The following ABCA12 variants were observed in gnomAD, a reference collection of about 807,000 sequenced individuals.
The protein encoded by ABCA12 is glucosylceramide transporter ABCA12.
Under a neutral mutation model 293.5 loss-of-function variants are expected in ABCA12, and 156 were observed. The ratio of observed to expected loss-of-function variants is 0.53; its 90% CI spans 0.47 to 0.61. The LOEUF (loss-of-function observed/expected upper bound fraction) is 0.61, where lower values mean the gene tolerates loss of function less well. Among genes scored for constraint, ABCA12 ranks in the 20% least tolerant of loss-of-function variants. The pLI is 0.00. For synonymous variants in ABCA12, 1,063 were observed against 1,108.0 expected (o/e 0.96, Z 0.81); for missense variants, 2,797 against 3,090.2 (o/e 0.91, Z 2.25).
At chr2:215,083,096 C>G (rs1157117532) in intron 2 of ABCA12, among the ~76,000 whole-genome samples, 2 of 152,196 alleles carry the variant, frequency 1.3e-5, no homozygotes, top group African/African-American at 4.8e-5. Context: ...ATTAAAACCT[C>G]TTCCCTAACT....
At chr2:215,111,526 T>C in intron 2 of ABCA12, 71 bp downstream of exon 2, 1 of 1,295,864 alleles carries the variant, frequency 7.7e-7, no homozygotes, top group South Asian at 1.2e-5. Context: ...AATGAAACAC[T>C]AAAGTGGTAC....
At position 214,949,159 on chromosome 2, in the gene ABCA12, G is replaced by A; in HGVS notation, c.6853-10C>T. ...CAAGAAGCCCAAAACACTGGTTTGA[G>A]GGAGAAAAAGAAGATATAAGCCTTA... On this transcript the variant is annotated splice_polypyrimidine_tract_variant and intron_variant, in intron 45 of 52. Transcript: ENST00000272895. 1.3e-6 allele frequency: 2 copies of A among 1,599,164 alleles called. No individual in the cohort carries two copies. The highest frequency in any genetic ancestry group is 1.7e-6 in the Non-Finnish European group (2 of 1,166,762).
chr2:215,130,646 T>C (rs1005628251), intron 1 of ABCA12, among the ~76,000 whole-genome samples: 1 of 152,150 alleles, frequency 6.6e-6, no homozygotes, highest in Admixed American at 6.5e-5. Flanking sequence ...TAGGGTTTTT[T>C]AGGTATATGA....
intron 1 of ABCA12, among the ~76,000 whole-genome samples, chr2:215,130,356 A>G (rs905346077): frequency 1.3e-5 from 2 of 152,184 alleles, no homozygotes; most frequent in Non-Finnish European, 2.9e-5. Flanking sequence ...ACTCATGAGC[A>G]TGGAATGTTT....
At position 215,001,626 on chromosome 2, in the gene ABCA12, G is replaced by T; in HGVS notation, c.2795C>A (p.Ala932Glu). 1.2e-6 allele frequency: 2 copies of T among 1,613,810 alleles called. No homozygotes were observed. The highest frequency in any genetic ancestry group is 1.7e-6 in the Non-Finnish European group (2 of 1,179,826). Reference protein sequence around the residue: ...SSCVLYDRIQAAKTIDEMERE... With the variant: ...SSCVLYDRIQEAKTIDEMERE... The stretch of plus-strand genomic sequence containing the variant: ...CTCCATTTCATCTATGGTTTTTGCT[G>T]CCTGAATACGGTCATATAATACACA... The change falls in exon 21 of 53, where the codon GCA (alanine) becomes GAA (glutamate). Residue 932 changes from alanine (A) to glutamate (E), a missense_variant. Physicochemically the swap from Ala to Glu is moderately radical, Grantham distance 107. This residue lies in a region of ABCA12 where 2,130 missense variants were observed against 2,427.0 expected (regional missense o/e 0.88). Transcript: ENST00000272895.
At chr2:214,952,353 T>C (rs1698806375) in intron 44 of ABCA12, among the ~76,000 whole-genome samples, 1 of 152,032 alleles carries the variant, frequency 6.6e-6, no homozygotes, top group African/African-American at 2.4e-5. Flanking sequence ...CCCGAGTAGC[T>C]GGGATTACAG....
intron 39 of ABCA12, among the ~76,000 whole-genome samples, chr2:214,963,974 G>A (rs533808471): frequency 5.7e-5 from 8 of 141,456 alleles, no homozygotes; most frequent in East Asian, 2.0e-4. Flanking sequence ...GATGAACATC[G>A]ATGCAAAAAT....
intron 2 of ABCA12, among the ~76,000 whole-genome samples, chr2:215,102,460 A>G (rs567886255): frequency 6.6e-6 from 1 of 152,200 alleles, no homozygotes; most frequent in Non-Finnish European, 1.5e-5. Flanking sequence ...TTAGCTGGGC[A>G]TGATGGCGCG....
At chr2:215,048,952 C>T (rs11889365) in intron 6 of ABCA12, among the ~76,000 whole-genome samples, 9,006 of 152,000 alleles carry the variant, frequency 0.059, 874 homozygotes, top group African/African-American at 0.2. Flanking sequence ...AGCTACATGA[C>T]GAGAACACGT....
chr2:215,019,821 G>A (rs776843442), intron 11 of ABCA12, 25 bp from the exon 12 acceptor site: 2 of 1,604,764 alleles, frequency 1.2e-6, no homozygotes, highest in Admixed American at 3.3e-5. Flanking sequence ...AAAAGAGTGG[G>A]AAATAGATTA....
chr2:215,111,545 A>G, intron 2 of ABCA12, 52 bp downstream of exon 2: 1 of 1,475,908 alleles, frequency 6.8e-7, no homozygotes, highest in Non-Finnish European at 9.4e-7. Flanking sequence ...ACCAAAATAA[A>G]TTTTAACTAG....
intron 1 of ABCA12, among the ~76,000 whole-genome samples, chr2:215,127,731 T>C (rs1335798493): frequency 6.6e-6 from 1 of 152,180 alleles, no homozygotes; most frequent in African/African-American, 2.4e-5. Flanking sequence ...GTTGGTGAGT[T>C]GTTATCCATT....
chr2:214,948,597 T>A lies in ABCA12; in HGVS notation c.7103A>T (p.Glu2368Val). ...VHGIPEKDIK[E>V]TVHKLLRRLH... The stretch of plus-strand genomic sequence containing the variant: ...GTAATTTTTCACACTTGTACTCACT[T>A]CTTTAATATCCTTTTCTGGAATTCC... The change falls in exon 47 of 53, where the codon GAA (glutamate) becomes GTA (valine). Residue 2368 changes from glutamate to valine, a missense_variant and splice_region_variant. By Grantham distance (121) the Glu-to-Val change is moderately radical. Coordinates refer to ENST00000272895, the MANE Select transcript of ABCA12 (RefSeq NM_173076.3). 1.2e-6 allele frequency: 2 copies of A among 1,613,992 alleles called. No homozygotes were observed. The highest frequency in any genetic ancestry group is 1.7e-6 in the Non-Finnish European group (2 of 1,179,914).
At position 215,007,707 on chromosome 2, in the gene ABCA12, A is replaced by G. The variant is rs1379054447; in HGVS notation, c.2592+20T>C. On this transcript the variant is annotated intron_variant, in intron 19 of 52. Transcript: ENST00000272895. ...AGAATTCAAATTCCTACTAAGTTGA[A>G]TGACAGAAGCATCTCATACCTGGAG... The G allele has an allele frequency of 6.2e-7, 1 of 1,613,870 alleles. No individual in the cohort carries two copies. The highest frequency in any genetic ancestry group is 1.7e-5 in the Admixed American group (1 of 60,024).
intron 51 of ABCA12, among the ~76,000 whole-genome samples, chr2:214,936,708 C>T (rs1698230551): frequency 6.6e-6 from 1 of 152,164 alleles, no homozygotes; most frequent in Non-Finnish European, 1.5e-5. Flanking sequence ...AACTTGAGGA[C>T]TTGATTTCTA....
At chr2:215,119,398 G>A (rs1028352431) in intron 1 of ABCA12, among the ~76,000 whole-genome samples, 1 of 152,144 alleles carries the variant, frequency 6.6e-6, no homozygotes, top group African/African-American at 2.4e-5. Context: ...GTTGAGAAGG[G>A]TACTTCCTAG....
At chr2:215,124,778 C>A (rs111776413) in intron 1 of ABCA12, among the ~76,000 whole-genome samples, 7,261 of 152,142 alleles carry the variant, frequency 0.048, 573 homozygotes, top group African/African-American at 0.17. Flanking sequence ...GCTGACTGTT[C>A]CTTTTGCTGT....
chr2:214,935,515 G>A (rs1698191442), intron 51 of ABCA12, among the ~76,000 whole-genome samples: 1 of 152,188 alleles, frequency 6.6e-6, no homozygotes, highest in African/African-American at 2.4e-5. Flanking sequence ...CTGAAAGCTA[G>A]GCCGAGTGTG....
intron 7 of ABCA12, among the ~76,000 whole-genome samples, chr2:215,039,623 C>T (rs1159559429): frequency 2.6e-5 from 4 of 151,888 alleles, no homozygotes; most frequent in African/African-American, 7.3e-5. Flanking sequence ...GGCGTGGTGG[C>T]GGGCGCCTGT....
Sources: gnomAD v4.1 joint callset for allele counts (sites outside exome capture counted in the v4.1 genomes callset) on GRCh38, gnomAD v4.1.1 for gene constraint, gnomAD v4.1.1 regional missense constraint, MANE v1.5 for transcripts, NCBI Gene and HGNC (gene_info 2026-07-23, HGNC 2026-07-21) for gene names.